DNAH3: variants seen among roughly 807,000 people sequenced by gnomAD.
The protein encoded by DNAH3 is axonemal beta dynein heavy chain 3.
Under a neutral mutation model 432.5 loss-of-function variants are expected in DNAH3, and 332 were observed. That is an observed-to-expected ratio of 0.77 (90% CI 0.70 to 0.84). The LOEUF (loss-of-function observed/expected upper bound fraction) is 0.84. Among genes scored for constraint, DNAH3 ranks in the 40% least tolerant of loss-of-function variants. The pLI, the probability that DNAH3 is intolerant of heterozygous loss-of-function variation, is 0.00. For synonymous variants in DNAH3, 1,956 were observed against 1,900.2 expected (o/e 1.03, Z -0.76); for missense variants, 4,861 against 5,114.0 (o/e 0.95, Z 1.51).
intron 26 of DNAH3, among the ~76,000 whole-genome samples, chr16:21,058,597 G>A (rs981791674): frequency 2.7e-5 from 4 of 149,696 alleles, no homozygotes; most frequent in African/African-American, 7.4e-5. Flanking sequence ...GATCAGGAGC[G>A]GGCAAACTAT....
At chr16:20,970,574 C>T (rs1485849372) in intron 51 of DNAH3, among the ~76,000 whole-genome samples, 3 of 152,192 alleles carry the variant, frequency 2.0e-5, no homozygotes, top group Non-Finnish European at 4.4e-5. Flanking sequence ...ATTGTTACCA[C>T]ATTTGTTTCT....
intron 1 of DNAH3, among the ~76,000 whole-genome samples, chr16:21,157,138 C>A (rs1295925793): frequency 6.6e-6 from 1 of 152,026 alleles, no homozygotes; most frequent in Non-Finnish European, 1.5e-5. Context: ...CTATCCCCAC[C>A]ATTAGCTCTT....
In DNAH3 at chr16:20,944,667, G is replaced by T; in HGVS notation, c.11344-4C>A. 6.2e-7 allele frequency: 1 copy of T among 1,613,962 alleles called. No individual in the cohort carries two copies. The highest frequency in any genetic ancestry group is 8.5e-7 in the Non-Finnish European group (1 of 1,179,972). ...TCCTGAGATAGTCGATATAGGACTG[G>T]AAGGGAAATCTTCAGTTGAAATCAA... On this transcript the variant is annotated splice_region_variant and splice_polypyrimidine_tract_variant and intron_variant, in intron 57 of 61. Coordinates refer to ENST00000261383, the Ensembl canonical transcript of DNAH3.
At chr16:20,933,134 C>G in exon 62 of DNAH3, 1 of 1,589,040 alleles carries the variant, frequency 6.3e-7, no homozygotes. Context: ...TTTTTATTTT[C>G]TGTCTTGAGA....
At chr16:21,027,095 C>T (rs1252156552) in exon 38 of DNAH3, 6 of 1,613,626 alleles carry the variant, frequency 3.7e-6, no homozygotes, top group Non-Finnish European at 5.1e-6. Context: ...TCTTGGAGTT[C>T]ATCTGGATAA....
chr16:20,982,723 T>TA lies in DNAH3; in HGVS notation c.7856dup (p.Glu2620ArgfsTer37). 6.2e-7 allele frequency: 1 copy of TA among 1,613,120 alleles called. No individual in the cohort carries two copies. Among genetic ancestry groups the TA allele is most frequent in the South Asian group, 1.1e-5 (1 of 90,904 alleles). On this transcript the variant is annotated frameshift_variant, in exon 49 of 62. Coordinates refer to ENST00000261383, the Ensembl canonical transcript of DNAH3. LOFTEE classifies it high-confidence loss of function. ...CCTAAAATGCAATCAACACTTACTC[T>TA]ACCCGAATGTTGTCATCAAGCTCCA...
chr16:20,970,849 T>C (rs986368592), intron 51 of DNAH3, among the ~76,000 whole-genome samples: 14 of 150,984 alleles, frequency 9.3e-5, no homozygotes, highest in Non-Finnish European at 1.5e-4. Context: ...TGGATTTCTT[T>C]TCTTTTCTCT....
chr16:21,029,730 G>T (rs536183543), intron 37 of DNAH3, among the ~76,000 whole-genome samples: 14 of 152,168 alleles, frequency 9.2e-5, no homozygotes, highest in Non-Finnish European at 1.8e-4. Context: ...TGCAAAGATT[G>T]CTATATTTTC....
intron 9 of DNAH3, 45 bp downstream of exon 10, chr16:21,125,130 C>G: frequency 6.7e-7 from 1 of 1,486,234 alleles, no homozygotes; most frequent in Non-Finnish European, 9.1e-7. Context: ...ACCAAGTAAC[C>G]AGGTTATTCC....
Position 20,975,044 on chromosome 16 carries a change from T to G in DNAH3, c.8259+189A>C, listed in dbSNP as rs550519097. Reference sequence around the variant, plus strand: ...TGAGGTTTCTTTATGTTGGTCAGGCTGGTCTTGAACTCCTAACCTCAGGTG... The same window carrying G: ...TGAGGTTTCTTTATGTTGGTCAGGCGGGTCTTGAACTCCTAACCTCAGGTG... On this transcript the variant is annotated intron_variant, in intron 51 of 61. Coordinates refer to ENST00000261383, the Ensembl canonical transcript of DNAH3. Among the ~76,000 whole-genome samples, 5 of 150,364 alleles carry G rather than the reference T, an allele frequency of 3.3e-5. No individual in the cohort carries two copies. In the East Asian group the frequency reaches 9.9e-4, roughly 30 times the overall value.
At chr16:20,965,179 G>A (rs779948624) in exon 53 of DNAH3, 2 of 1,613,972 alleles carry the variant, frequency 1.2e-6, no homozygotes, top group Admixed American at 1.7e-5. Flanking sequence ...CCGTTTGGGA[G>A]CCACCACCTT....
intron 31 of DNAH3, among the ~76,000 whole-genome samples, chr16:21,048,743 G>C (rs1005829733): frequency 4.6e-5 from 7 of 151,380 alleles, no homozygotes; most frequent in African/African-American, 1.7e-4. Flanking sequence ...TCCCAGCCTG[G>C]AGTGCAATGG....
At chr16:21,117,137 G>A (rs2092222781) in intron 12 of DNAH3, 66 bp downstream of exon 12, 2 of 1,058,718 alleles carry the variant, frequency 1.9e-6, no homozygotes, top group Non-Finnish European at 2.8e-6. Flanking sequence ...CTTATTGGAT[G>A]AGAGTTAAGA....
intron 1 of DNAH3, among the ~76,000 whole-genome samples, chr16:21,151,671 T>C (rs1383262194): frequency 6.6e-6 from 1 of 152,124 alleles, no homozygotes; most frequent in East Asian, 1.9e-4. Context: ...GATAGTTTGA[T>C]CACCCAACAC....
chr16:21,141,395 C>T, intron 3 of DNAH3, 23 bp from the exon 5 acceptor site: 1 of 1,558,194 alleles, frequency 6.4e-7, no homozygotes, highest in Non-Finnish European at 8.8e-7. Flanking sequence ...AGAAGAAAGA[C>T]ATCAGTGATG....
intron 54 of DNAH3, among the ~76,000 whole-genome samples, chr16:20,958,308 A>G (rs999946427): frequency 6.6e-6 from 1 of 152,136 alleles, no homozygotes; most frequent in African/African-American, 2.4e-5. Flanking sequence ...TCCTGGGTTC[A>G]AGCAATCCAC....
At chr16:20,990,193 G>A (rs1474027503) in intron 44 of DNAH3, among the ~76,000 whole-genome samples, 5 of 152,230 alleles carry the variant, frequency 3.3e-5, no homozygotes, top group Non-Finnish European at 5.9e-5. Flanking sequence ...TTGCCAGCAC[G>A]CTGTCACCTC....
chr16:21,133,420 G>C (rs1306970750), intron 7 of DNAH3, among the ~76,000 whole-genome samples: 1 of 151,018 alleles, frequency 6.6e-6, no homozygotes, highest in Non-Finnish European at 1.5e-5. Context: ...TAGGCTAAAG[G>C]GAGACAAATA....
chr16:20,964,875 T>A (rs1185074610), exon 53 of DNAH3: 1 of 1,614,040 alleles, frequency 6.2e-7, no homozygotes, highest in African/African-American at 1.3e-5. Context: ...CCACAGTTCC[T>A]GAGGACAGCA....
Sources: allele counts gnomAD v4.1 joint callset (sites outside exome capture counted in the v4.1 genomes callset), GRCh38; gene constraint gnomAD v4.1.1; transcripts MANE v1.5; gene names NCBI Gene and HGNC (gene_info 2026-07-23, HGNC 2026-07-21).